ZFP64: variants seen among roughly 807,000 people sequenced by gnomAD.
ZFP64 encodes zinc finger protein 64.
In ZFP64, 14 loss-of-function variants were observed where a neutral mutation model predicts 51.6. The ratio of observed to expected loss-of-function variants is 0.27; its 90% confidence interval spans 0.18 to 0.42. The LOEUF (loss-of-function observed/expected upper bound fraction) is 0.42. Ranked by LOEUF, ZFP64 falls within the 10% of genes least tolerant of loss-of-function variation. ZFP64 has a pLI of 1.00. For missense variants in ZFP64, 754 were observed against 906.8 expected, an observed-to-expected ratio of 0.83 and a Z score of 2.16; for synonymous variants, 375 against 361.4, an observed-to-expected ratio of 1.04 and a Z score of -0.43.
chr20:52,149,027 T>C (rs926140932), downstream of ZFP64, among the ~76,000 whole-genome samples: 2 of 152,106 alleles, frequency 1.3e-5, no homozygotes, highest in Admixed American at 6.5e-5. Flanking sequence ...TCTAAGTTCA[T>C]AGAAGAGAGA....
At chr20:52,102,992 G>T (rs764872951) in intron 5 of ZFP64, among the ~76,000 whole-genome samples, 2 of 152,102 alleles carry the variant, frequency 1.3e-5, no homozygotes, top group Non-Finnish European at 2.9e-5. Context: ...GTTAAAGGAT[G>T]ACCCAGATAG....
At chr20:52,164,103 G>A (rs1446296809) in intron 4 of ZFP64, among the ~76,000 whole-genome samples, 1 of 152,082 alleles carries the variant, frequency 6.6e-6, no homozygotes. Context: ...TTGAGTCCAG[G>A]CATTCGAGAC....
intron 2 of ZFP64, among the ~76,000 whole-genome samples, chr20:52,184,708 C>T (rs1983839438): frequency 6.6e-6 from 1 of 152,052 alleles, no homozygotes. Context: ...CTCACTGCAG[C>T]CTCAAACTCC....
intron 5 of ZFP64, among the ~76,000 whole-genome samples, chr20:52,155,710 G>A (rs1381109253): frequency 1.3e-5 from 2 of 151,858 alleles, no homozygotes; most frequent in Non-Finnish European, 2.9e-5. Flanking sequence ...AGTCCCACTG[G>A]ACACTAAGGT....
exon 9 of ZFP64, chr20:52,084,809 C>T (rs763632069): frequency 5.0e-6 from 8 of 1,614,054 alleles, no homozygotes; most frequent in South Asian, 4.4e-5. Context: ...CCTCTCTGAG[C>T]CCTTCCTTGC....
At chr20:52,141,900 C>T (rs1339893146) in intron 5 of ZFP64, among the ~76,000 whole-genome samples, 1 of 152,084 alleles carries the variant, frequency 6.6e-6, no homozygotes, top group Non-Finnish European at 1.5e-5. Context: ...TTTGCAGCAA[C>T]ACAGATGAAA....
At chr20:52,109,397 C>T (rs1189575483) in intron 5 of ZFP64, among the ~76,000 whole-genome samples, 2 of 151,928 alleles carry the variant, frequency 1.3e-5, no homozygotes, top group Admixed American at 6.6e-5. Context: ...CTCCTGACCT[C>T]GTGATCTGCC....
intron 5 of ZFP64, among the ~76,000 whole-genome samples, chr20:52,100,217 CTGACCTTG>C (rs2079035883): frequency 6.6e-6 from 1 of 151,996 alleles, no homozygotes; most frequent in South Asian, 2.1e-4. Context: ...TCTCGATCTC[CTGACCTTG>C]TGATCCACCC....
intron 2 of ZFP64, among the ~76,000 whole-genome samples, chr20:52,167,952 A>G (rs970794137): frequency 3.3e-5 from 5 of 152,216 alleles, no homozygotes; most frequent in Admixed American, 2.6e-4. Flanking sequence ...AGATTGTAAA[A>G]TGTGTCATAA....
chr20:52,118,000 A>G (rs1204779366), intron 5 of ZFP64, among the ~76,000 whole-genome samples: 1 of 151,834 alleles, frequency 6.6e-6, no homozygotes, highest in African/African-American at 2.4e-5. Context: ...GTCTCACTAC[A>G]TTGCCCAGGC....
At chr20:52,126,593 T>G (rs1218985778) in intron 5 of ZFP64, among the ~76,000 whole-genome samples, 3 of 152,202 alleles carry the variant, frequency 2.0e-5, no homozygotes, top group Non-Finnish European at 4.4e-5. Context: ...TGAGAAAAAT[T>G]TAAATTCTCA....
intron 5 of ZFP64, among the ~76,000 whole-genome samples, chr20:52,129,741 C>T (rs1483731173): frequency 6.6e-6 from 1 of 152,120 alleles, no homozygotes; most frequent in Non-Finnish European, 1.5e-5. Flanking sequence ...CCTCATGGTG[C>T]CTCTGTATCC....
chr20:52,187,245 C>G (rs1984037357), intron 1 of ZFP64, among the ~76,000 whole-genome samples, 174 bp from the exon 2 acceptor site: 1 of 152,120 alleles, frequency 6.6e-6, no homozygotes. Context: ...GCCCTAGCAG[C>G]AAGGTATCAT....
chr20:52,108,591 C>A (rs1220901378), intron 5 of ZFP64, among the ~76,000 whole-genome samples: 1 of 151,860 alleles, frequency 6.6e-6, no homozygotes, highest in African/African-American at 2.4e-5. Context: ...TCACTGCAAC[C>A]TCCACCTCCT....
At chr20:52,175,854 C>A (rs1983158858) in intron 2 of ZFP64, 2 of 217,334 alleles carry the variant, frequency 9.2e-6, no homozygotes, top group Non-Finnish European at 1.5e-5. Context: ...CCCCCCGCAC[C>A]CCCGCTGCCG....
At chr20:52,088,453 C>G (rs770113990) in exon 8 of ZFP64, 2 of 1,614,174 alleles carry the variant, frequency 1.2e-6, no homozygotes, top group East Asian at 2.2e-5. Context: ...AGGGGCAGAG[C>G]TGGCATTTGT....
chr20:52,108,062 C>CA (rs1395953833), intron 5 of ZFP64, among the ~76,000 whole-genome samples: 1 of 152,064 alleles, frequency 6.6e-6, no homozygotes, highest in Admixed American at 6.6e-5. Flanking sequence ...TCTGTTTCTA[C>CA]AAAAAATATA....
chr20:52,102,334 A>C (rs907059173), intron 5 of ZFP64, among the ~76,000 whole-genome samples: 22 of 152,066 alleles, frequency 1.4e-4, no homozygotes, highest in African/African-American at 5.1e-4. Context: ...CTGATTGAGT[A>C]GGTATGGGGT....
At position 52,116,952 on chromosome 20, in the gene ZFP64, C is replaced by T. The variant is rs546922901; in HGVS notation, c.764-18365G>A. ...GGGCATGGTGGTGCAGGCTGGTAGT[C>T]CCAGCTACTCAGGAGGCTGAGGCAG... On this transcript the variant is annotated intron_variant, in intron 5 of 8. Transcript: ENST00000361387. Among the ~76,000 whole-genome samples the T allele has an allele frequency of 2.5e-4, 38 of 152,140 alleles. 1 individual carries two copies. Among genetic ancestry groups the T allele is most frequent in the African/African-American group, 8.7e-4 (36 of 41,490 alleles).
Sources: gnomAD v4.1 joint callset for allele counts (sites outside exome capture counted in the v4.1 genomes callset) on GRCh38, gnomAD v4.1.1 for gene constraint, MANE v1.5 for transcripts, NCBI Gene and HGNC (gene_info 2026-07-23, HGNC 2026-07-21) for gene names.